Variants in HHIP observed in about 807,000 individuals in gnomAD.
HHIP encodes the protein hedgehog interacting protein, also known as hedgehog-interacting protein.
Under a neutral mutation model 74.0 loss-of-function variants are expected in HHIP, and 12 were observed. That is an observed-to-expected ratio of 0.16 (90% CI 0.10 to 0.26). The LOEUF is 0.26. Ranked by LOEUF, HHIP falls within the 10% of genes least tolerant of loss-of-function variation. The probability of loss-of-function intolerance (pLI) is 1.00; values close to 1 mark genes in which losing one functional copy is unlikely to be tolerated. For missense variants in HHIP, 788 were observed against 845.0 expected (o/e 0.93, Z 0.84); for synonymous variants, 309 against 311.6 (o/e 0.99, Z 0.09).
At chr4:144,688,610 T>C (rs1729550130) in intron 4 of HHIP, among the ~76,000 whole-genome samples, 1 of 152,222 alleles carries the variant, frequency 6.6e-6, no homozygotes. Context: ...GGTTCTTTTG[T>C]TCCTTTTCCC....
intron 4 of HHIP, among the ~76,000 whole-genome samples, chr4:144,693,838 AAT>A (rs1257543181): frequency 6.6e-6 from 1 of 151,908 alleles, no homozygotes; most frequent in Non-Finnish European, 1.5e-5. Context: ...TTTGGTCAGA[AAT>A]ATATATTATT....
intron 7 of HHIP, among the ~76,000 whole-genome samples, chr4:144,710,073 A>G (rs1485601882): frequency 6.6e-6 from 1 of 152,128 alleles, no homozygotes; most frequent in Non-Finnish European, 1.5e-5. Context: ...GCCCTTTTTC[A>G]CATGAGAAAC....
intron 4 of HHIP, among the ~76,000 whole-genome samples, chr4:144,696,751 G>C (rs1372044374): frequency 2.0e-5 from 3 of 151,878 alleles, no homozygotes; most frequent in African/African-American, 4.8e-5. Flanking sequence ...TTAAACTCTA[G>C]AGTTGCTATA....
intron 4 of HHIP, among the ~76,000 whole-genome samples, chr4:144,684,061 T>A (rs1452556577): frequency 2.1e-5 from 3 of 141,492 alleles, no homozygotes; most frequent in South Asian, 4.6e-4. Context: ...AGACTCCGTC[T>A]AAAAAAAAAA....
chr4:144,658,779 ATT>A lies in HHIP; in HGVS notation c.473-6_473-5del, dbSNP rs766956361. On this transcript the variant is annotated splice_polypyrimidine_tract_variant and intron_variant, in intron 2 of 12. Coordinates refer to ENST00000296575, the MANE Select transcript of HHIP (RefSeq NM_022475.3). Reference sequence around the variant, plus strand: ...AGGTGCTTCTAATGAGTCTTTTTATATTTTTTAAAGGTTTCCTTCAAACAACT... The same window carrying A: ...AGGTGCTTCTAATGAGTCTTTTTATATTTTAAAGGTTTCCTTCAAACAACT... 2.7e-5 allele frequency: 44 copies of A among 1,604,972 alleles called. No individual in the cohort carries two copies. The highest frequency in any genetic ancestry group is 3.7e-5 in the Non-Finnish European group (44 of 1,175,530).
intron 4 of HHIP, among the ~76,000 whole-genome samples, chr4:144,663,747 T>A (rs183060271): frequency 6.6e-6 from 1 of 152,200 alleles, no homozygotes; most frequent in African/African-American, 2.4e-5. Flanking sequence ...TCTGTTTTTG[T>A]TCCATTTTGG....
At chr4:144,651,212 C>A (rs1728420147) in intron 1 of HHIP, among the ~76,000 whole-genome samples, 1 of 151,950 alleles carries the variant, frequency 6.6e-6, no homozygotes, top group Non-Finnish European at 1.5e-5. Flanking sequence ...AAAATTTTAT[C>A]CATTTAAGCA....
At position 144,742,188 on chromosome 4, in the gene HHIP, T is replaced by A. The variant is rs1398012314; in HGVS notation, c.*4231T>A. 1 of 152,194 alleles carries A rather than the reference T, an allele frequency of 6.6e-6. No individual in the cohort carries two copies. Among genetic ancestry groups the A allele is most frequent in the African/African-American group, 2.4e-5 (1 of 41,452 alleles). 9.4% of individuals were successfully genotyped at this position (152,194 alleles called of 1,614,324 possible). A position where few individuals can be genotyped will look rare whatever the true frequency, so the allele number is the denominator to read the frequency against. On this transcript the variant is annotated 3_prime_UTR_variant, in exon 13 of 13. Transcript: ENST00000296575. Reference sequence around the variant, plus strand: ...TCTCAATACACCCATGTTGAAGGTATCCTGGGCTAGATTGCTGTTGATTTT... The same window carrying A: ...TCTCAATACACCCATGTTGAAGGTAACCTGGGCTAGATTGCTGTTGATTTT...
At chr4:144,714,084 A>G in intron 8 of HHIP, 141 bp from the exon 9 acceptor site, 1 of 672,876 alleles carries the variant, frequency 1.5e-6, no homozygotes, top group Non-Finnish European at 2.5e-6. Context: ...GTTTTCATTA[A>G]ATAGCTCTAG....
In HHIP at chr4:144,733,770, G is replaced by A. The variant is rs1350505145; in HGVS notation, c.1761-971G>A. On this transcript the variant is annotated intron_variant, in intron 11 of 12. Transcript: ENST00000296575. Reference sequence around the variant, plus strand: ...AGGTAACAGCGACTGATAGGAAAGTGCCACTGGATATTTTTTTCCCTGAAG... The same window carrying A: ...AGGTAACAGCGACTGATAGGAAAGTACCACTGGATATTTTTTTCCCTGAAG... Among the ~76,000 whole-genome samples the A allele has an allele frequency of 1.7e-4, 26 of 152,282 alleles. No individual in the cohort carries two copies. The East Asian group carries it at 4.8e-3, about 28-fold the overall frequency.
At chr4:144,706,714 T>A in intron 5 of HHIP, 32 bp downstream of exon 5, 1 of 1,556,886 alleles carries the variant, frequency 6.4e-7, no homozygotes, top group Non-Finnish European at 8.7e-7. Context: ...GCATAGAAAT[T>A]TCTCATCTTA....
chr4:144,659,059 G>C, intron 3 of HHIP, 113 bp downstream of exon 3: 1 of 781,370 alleles, frequency 1.3e-6, no homozygotes, highest in East Asian at 2.8e-5. Flanking sequence ...ATATCCTCCA[G>C]ATGCTTTAGT....
intron 10 of HHIP, 68 bp downstream of exon 10, chr4:144,715,498 T>G: frequency 6.8e-7 from 1 of 1,465,908 alleles, no homozygotes; most frequent in Non-Finnish European, 9.4e-7. Flanking sequence ...TGTTCTGCCC[T>G]GAAGAATAAA....
At chr4:144,722,041 A>G (rs1730654304) in intron 11 of HHIP, among the ~76,000 whole-genome samples, 1 of 152,154 alleles carries the variant, frequency 6.6e-6, no homozygotes, top group Non-Finnish European at 1.5e-5. Context: ...TTAGGGTCAA[A>G]TCAACACCAG....
At chr4:144,726,927 G>A (rs187793947) in intron 11 of HHIP, among the ~76,000 whole-genome samples, 49 of 152,254 alleles carry the variant, frequency 3.2e-4, no homozygotes, top group African/African-American at 1.2e-3. Context: ...CTCTCCTGAA[G>A]CGACCTCCAG....
intron 1 of HHIP, among the ~76,000 whole-genome samples, chr4:144,652,346 G>GA (rs2126576897): frequency 6.6e-6 from 1 of 152,150 alleles, no homozygotes; most frequent in East Asian, 1.9e-4. Context: ...TTTCACACCT[G>GA]AAGTACAGAT....
At chr4:144,652,576 A>C (rs368637269) in intron 1 of HHIP, 29 bp from the exon 2 acceptor site, 4 of 1,458,644 alleles carry the variant, frequency 2.7e-6, no homozygotes, top group East Asian at 2.3e-5. Context: ...CCTACTAAAA[A>C]AAGTTTGCTT....
chr4:144,671,927 T>C (rs1351065444), intron 4 of HHIP, among the ~76,000 whole-genome samples: 1 of 152,146 alleles, frequency 6.6e-6, no homozygotes, highest in African/African-American at 2.4e-5. Flanking sequence ...GAGGTTGCAG[T>C]GAGCCGAGAT....
chr4:144,690,940 C>T (rs539512623), intron 4 of HHIP, among the ~76,000 whole-genome samples: 8 of 152,050 alleles, frequency 5.3e-5, no homozygotes, highest in Non-Finnish European at 8.8e-5. Context: ...AAGAAAACAG[C>T]TTTATCTGTG....
Sources: allele counts gnomAD v4.1 joint callset (sites outside exome capture counted in the v4.1 genomes callset), GRCh38; gene constraint gnomAD v4.1.1; transcripts MANE v1.5; gene names NCBI Gene and HGNC (gene_info 2026-07-23, HGNC 2026-07-21).